TDRD1: variants seen among roughly 807,000 people sequenced by gnomAD.
The protein encoded by TDRD1 is tudor domain-containing protein 1.
TDRD1 carries 37 observed loss-of-function variants against 140.6 expected under a neutral mutation model. That is an observed-to-expected ratio of 0.26 (90% CI 0.20 to 0.35). The LOEUF (loss-of-function observed/expected upper bound fraction) is 0.35. Ranked by LOEUF, TDRD1 falls within the 10% of genes least tolerant of loss-of-function variation. The pLI, the probability that TDRD1 is intolerant of heterozygous loss-of-function variation, is 1.00. For synonymous variants in TDRD1, 506 were observed against 475.7 expected (o/e 1.06, Z -0.83); for missense variants, 1,243 against 1,393.0 (o/e 0.89, Z 1.71).
intron 21 of TDRD1, among the ~76,000 whole-genome samples, chr10:114,225,271 G>A (rs1421373299): frequency 1.3e-5 from 2 of 152,212 alleles, no homozygotes; most frequent in African/African-American, 2.4e-5. Context: ...GCAAATGAGT[G>A]TATGAACCAA....
intron 3 of TDRD1, 66 bp from the exon 4 acceptor site, chr10:114,199,107 A>T (rs1279701493): frequency 1.3e-6 from 2 of 1,544,196 alleles, no homozygotes; most frequent in Non-Finnish European, 1.8e-6. Context: ...AAGTAGTCCC[A>T]AATCTAGTAT....
At chr10:114,230,600 C>T (rs754684037) in intron 25 of TDRD1, among the ~76,000 whole-genome samples, 11 of 152,146 alleles carry the variant, frequency 7.2e-5, no homozygotes, top group Non-Finnish European at 1.3e-4. Flanking sequence ...TGAGCTGCTA[C>T]GTGTACAGTA....
intron 25 of TDRD1, among the ~76,000 whole-genome samples, chr10:114,229,721 A>C (rs965411313): frequency 6.6e-6 from 1 of 151,038 alleles, no homozygotes; most frequent in Non-Finnish European, 1.5e-5. Flanking sequence ...GCTAATCTTA[A>C]ACTTAATGGT....
intron 25 of TDRD1, among the ~76,000 whole-genome samples, chr10:114,231,290 G>T (rs2036740634): frequency 2.0e-5 from 3 of 152,124 alleles, no homozygotes; most frequent in African/African-American, 7.2e-5. Flanking sequence ...TTGTGAAGGG[G>T]AGTATAAACA....
chr10:114,206,338 T>C lies in TDRD1; in HGVS notation c.1384+8T>C. 1 of 1,608,028 alleles carries C rather than the reference T, an allele frequency of 6.2e-7. No individual in the cohort carries two copies. Among genetic ancestry groups the C allele is most frequent in the Non-Finnish European group, 8.5e-7 (1 of 1,175,394 alleles). On this transcript the variant is annotated splice_region_variant and intron_variant, in intron 11 of 25. Transcript: ENST00000251864. ...AGGAAAATGCAGATCAAAGTGAGTA[T>C]AGATTGATATTGAACGGTATAGCGA...
rs1418763957 is a variant in TDRD1 at position 114,188,289 on chromosome 10, A to C, written c.325+133A>C. ...GACTACCTTACCGTATTTGCATTTC[A>C]TTATTAATTTAGAAGGAAAAACCAG... On this transcript the variant is annotated intron_variant, in intron 2 of 25. Transcript: ENST00000251864. The C allele has an allele frequency of 3.9e-6, 3 of 774,722 alleles. No individual in the cohort carries two copies. In the African/African-American group the frequency reaches 5.3e-5, roughly 14 times the overall value. The allele number at this position is 774,722 out of a possible 1,614,324, so 48.0% of individuals were successfully genotyped here. A position where few individuals can be genotyped will look rare whatever the true frequency, so the allele number is the denominator to read the frequency against.
At chr10:114,176,607 G>C (rs1209003520), upstream of TDRD1, among the ~76,000 whole-genome samples, 3 of 152,124 alleles carry the variant, frequency 2.0e-5, no homozygotes. This position sits in a 1 kb window ranked among gnomAD's most constrained non-coding sequence, Gnocchi z 4.2. Flanking sequence ...GAAATGTTTA[G>C]TATTAATTTT....
chr10:114,212,026 T>C lies in TDRD1; in HGVS notation c.1821T>C (p.Cys607=), dbSNP rs377446704. 1.1e-5 allele frequency: 18 copies of C among 1,603,378 alleles called. No homozygotes were observed. The African/African-American group carries it at 2.0e-4, about 18-fold the overall frequency. ...AATTGCCAATGCAAGCTATAAAGTG[T>C]GTACTAGCAGGTATGAAATTTTTAT... Residue 607 remains cysteine, a synonymous_variant, in exon 14 of 26, where the codon TGT becomes TGC. Coordinates refer to ENST00000251864, the Ensembl canonical transcript of TDRD1.
At chr10:114,212,094 A>G (rs1332943687) in intron 14 of TDRD1, 58 bp downstream of exon 14, 1 of 1,475,330 alleles carries the variant, frequency 6.8e-7, no homozygotes, top group East Asian at 2.5e-5. Context: ...AAGAAACATG[A>G]AAAGATACAC....
At chr10:114,210,773 C>A in intron 12 of TDRD1, 25 bp downstream of exon 12, 1 of 1,610,038 alleles carries the variant, frequency 6.2e-7, no homozygotes, top group Non-Finnish European at 8.5e-7. Context: ...TTGATTTGCT[C>A]TATGAAGCTA....
At chr10:114,180,992 G>T (rs1238080298) in intron 1 of TDRD1, among the ~76,000 whole-genome samples, 2 of 152,152 alleles carry the variant, frequency 1.3e-5, no homozygotes, top group African/African-American at 4.8e-5. Flanking sequence ...AGGGAGAACC[G>T]ATAGGATTCC....
intron 19 of TDRD1, among the ~76,000 whole-genome samples, 178 bp from the exon 20 acceptor site, chr10:114,221,179 C>T (rs914169096): frequency 6.6e-6 from 1 of 152,080 alleles, no homozygotes; most frequent in African/African-American, 2.4e-5. Flanking sequence ...TCGTACTGCC[C>T]ACAAAATCCC....
intron 10 of TDRD1, among the ~76,000 whole-genome samples, chr10:114,205,776 TAAA>T (rs1007341429): frequency 3.3e-5 from 5 of 152,208 alleles, no homozygotes; most frequent in Admixed American, 3.3e-4. Flanking sequence ...AAAAAATAGT[TAAA>T]AAGACTGAAT....
intron 5 of TDRD1, among the ~76,000 whole-genome samples, 158 bp from the exon 6 acceptor site, chr10:114,202,080 G>A (rs982957807): frequency 1.3e-5 from 2 of 152,212 alleles, no homozygotes; most frequent in African/African-American, 4.8e-5. Context: ...CCACTGTGTA[G>A]CCAGCACTGG....
At chr10:114,180,716 C>T (rs970624079) in intron 1 of TDRD1, among the ~76,000 whole-genome samples, 4 of 152,146 alleles carry the variant, frequency 2.6e-5, no homozygotes, top group Admixed American at 2.6e-4. Flanking sequence ...CCGCCCACCT[C>T]GGCCTCCAAA....
intron 25 of TDRD1, chr10:114,228,413 G>A: frequency 9.0e-7 from 1 of 1,116,708 alleles, no homozygotes; most frequent in Non-Finnish European, 1.1e-6. Flanking sequence ...TTGATATGTG[G>A]AGGGACTTGT....
intron 1 of TDRD1, among the ~76,000 whole-genome samples, chr10:114,180,551 C>T (rs1226286344): frequency 5.9e-5 from 9 of 152,084 alleles, no homozygotes; most frequent in African/African-American, 1.9e-4. Flanking sequence ...CTGCAACCTC[C>T]GCCTCCCGGG....
At chr10:114,181,385 G>T (rs977153292) in intron 1 of TDRD1, among the ~76,000 whole-genome samples, 1 of 152,238 alleles carries the variant, frequency 6.6e-6, no homozygotes, top group Non-Finnish European at 1.5e-5. Flanking sequence ...TTCAGGGCCT[G>T]TGCAGCAATA....
At chr10:114,227,110 A>G in exon 23 of TDRD1, 2 of 1,587,842 alleles carry the variant, frequency 1.3e-6, no homozygotes. Context: ...TCAATTAATA[A>G]TAATGCTATT....
Sources: allele counts gnomAD v4.1 joint callset (sites outside exome capture counted in the v4.1 genomes callset), GRCh38; gene constraint gnomAD v4.1.1; non-coding constraint Gnocchi (gnomAD v3.1); transcripts MANE v1.5; gene names NCBI Gene and HGNC (gene_info 2026-07-23, HGNC 2026-07-21).